LRRFIP1: variants seen among roughly 807,000 people sequenced by gnomAD.
LRRFIP1 encodes the protein LRR binding FLII interacting protein 1, also known as leucine-rich repeat flightless-interacting protein 1.
A neutral mutation model predicts 104.4 loss-of-function variants in LRRFIP1; 62 were observed. The observed-to-expected ratio is 0.59, with a 90% CI of 0.48 to 0.73. The LOEUF (loss-of-function observed/expected upper bound fraction) is 0.73, where lower values mean the gene tolerates loss of function less well. Ranked by LOEUF, LRRFIP1 falls within the 30% of genes least tolerant of loss-of-function variation. The pLI is 0.00. For synonymous variants in LRRFIP1, 300 were observed against 299.0 expected (o/e 1.00, Z -0.03); for missense variants, 796 against 824.5 (o/e 0.97, Z 0.42).
At chr2:237,629,578 C>T (rs1248673406) in intron 1 of LRRFIP1, among the ~76,000 whole-genome samples, 3 of 150,710 alleles carry the variant, frequency 2.0e-5, no homozygotes, top group Non-Finnish European at 4.4e-5. Context: ...CTCAAGAGAT[C>T]CTCCTGCCTC....
At chr2:237,632,143 G>C (rs2149250064) in intron 1 of LRRFIP1, among the ~76,000 whole-genome samples, 2 of 152,212 alleles carry the variant, frequency 1.3e-5, no homozygotes, top group Admixed American at 1.3e-4. Context: ...CCCCCAAGGA[G>C]TCCAGTTGTG....
At chr2:237,749,435 CCT>C (rs2058300693) in intron 13 of LRRFIP1, 111 bp downstream of exon 13, 1 of 1,285,562 alleles carries the variant, frequency 7.8e-7, no homozygotes, top group South Asian at 1.3e-5. Context: ...TCTTCTTGGT[CCT>C]CTCTCCCTCA....
chr2:237,637,961 G>T (rs1461158701), intron 1 of LRRFIP1, among the ~76,000 whole-genome samples: 1 of 152,140 alleles, frequency 6.6e-6, no homozygotes, highest in Non-Finnish European at 1.5e-5. Flanking sequence ...CAGCTAGCAT[G>T]GCTCTACCCT....
chr2:237,760,217 C>G lies in LRRFIP1; in HGVS notation c.1459+12C>G, dbSNP rs1178215207. 2 of 1,613,452 alleles carry G rather than the reference C, an allele frequency of 1.2e-6. No homozygotes were observed. Among genetic ancestry groups the G allele is most frequent in the Admixed American group, 3.3e-5 (2 of 59,974 alleles). On this transcript the variant is annotated intron_variant, in intron 19 of 23. Transcript: ENST00000308482. The stretch of plus-strand genomic sequence containing the variant: ...GGATGGGACCCTAGGTAAGTATTTG[C>G]TTTCCTTCGGCTCCTCACACCTTTC...
chr2:237,738,696 C>G (rs887995559), intron 10 of LRRFIP1, among the ~76,000 whole-genome samples: 50 of 152,186 alleles, frequency 3.3e-4, no homozygotes, highest in African/African-American at 1.2e-3. Flanking sequence ...AATGGATAGA[C>G]AGATGTGTAC....
chr2:237,707,682 G>T (rs1489784531), intron 1 of LRRFIP1, among the ~76,000 whole-genome samples: 1 of 152,184 alleles, frequency 6.6e-6, no homozygotes, highest in African/African-American at 2.4e-5. Flanking sequence ...TACGCATGCA[G>T]TTTTTAAAAT....
chr2:237,742,320 CTTA>C (rs1171840698), intron 11 of LRRFIP1, among the ~76,000 whole-genome samples: 2 of 152,288 alleles, frequency 1.3e-5, no homozygotes, highest in East Asian at 3.9e-4. Context: ...GGTTGGCACG[CTTA>C]GGGAACAAAG....
chr2:237,734,273 CTTTTTTTTTTTT>C (rs71870330), intron 9 of LRRFIP1, among the ~76,000 whole-genome samples: 15 of 90,208 alleles, frequency 1.7e-4, no homozygotes, highest in Non-Finnish European at 2.9e-4. Context: ...TGTTAATAAC[CTTTTTTTTTTTT>C]TTTTTTTTTT....
intron 11 of LRRFIP1, among the ~76,000 whole-genome samples, chr2:237,743,753 C>T (rs559183256): frequency 1.3e-4 from 20 of 152,150 alleles, no homozygotes; most frequent in East Asian, 3.9e-4. Context: ...AGCCCAGCAG[C>T]GGGGGTGTGA....
intron 1 of LRRFIP1, among the ~76,000 whole-genome samples, chr2:237,628,777 G>A (rs866237190): frequency 8.5e-5 from 13 of 152,194 alleles, no homozygotes; most frequent in Non-Finnish European, 1.5e-4. Context: ...TATTCTGGGG[G>A]ATCTACTCTG....
At chr2:237,696,508 T>G (rs1358505993) in intron 1 of LRRFIP1, among the ~76,000 whole-genome samples, 2 of 152,226 alleles carry the variant, frequency 1.3e-5, no homozygotes, top group African/African-American at 2.4e-5. Context: ...TAGCTAATAT[T>G]TACCAAACCC....
intron 23 of LRRFIP1, among the ~76,000 whole-genome samples, chr2:237,774,908 A>T (rs2060948716): frequency 6.6e-6 from 1 of 152,248 alleles, no homozygotes; most frequent in Non-Finnish European, 1.5e-5. Flanking sequence ...TGAGAAGCCG[A>T]GCTGCTGTTA....
At chr2:237,770,177 G>T in intron 20 of LRRFIP1, 185 bp downstream of exon 20, 1 of 590,486 alleles carries the variant, frequency 1.7e-6, no homozygotes, top group Non-Finnish European at 3.1e-6. Context: ...TTCATCCAAA[G>T]AGAACATCCT....
chr2:237,655,235 C>T (rs1388176148), intron 1 of LRRFIP1, among the ~76,000 whole-genome samples: 1 of 146,234 alleles, frequency 6.8e-6, no homozygotes, highest in Non-Finnish European at 1.5e-5. Flanking sequence ...CTCAGCCTCC[C>T]GAGTAGCTGG....
At chr2:237,721,724 A>G (rs890765994) in intron 6 of LRRFIP1, 2 of 152,212 alleles carry the variant, frequency 1.3e-5, no homozygotes, top group East Asian at 3.8e-4. Flanking sequence ...GCCCTTCCCA[A>G]TGATAAAATG....
At chr2:237,733,678 A>C in intron 8 of LRRFIP1, 96 bp from the exon 9 acceptor site, 1 of 1,211,832 alleles carries the variant, frequency 8.3e-7, no homozygotes, top group Non-Finnish European at 1.2e-6. Context: ...GCAGTTGGCT[A>C]TGGTGAATGC....
chr2:237,774,289 A>G (rs1047625849), intron 22 of LRRFIP1, 69 bp from the exon 23 acceptor site: 12 of 891,556 alleles, frequency 1.3e-5, no homozygotes, highest in Middle Eastern at 3.0e-4. Flanking sequence ...TTTGATCTCA[A>G]AGTAAAGAAA....
intron 20 of LRRFIP1, among the ~76,000 whole-genome samples, chr2:237,770,947 G>C (rs1005004794): frequency 6.6e-6 from 1 of 151,702 alleles, no homozygotes. Flanking sequence ...AAGATTCTCC[G>C]AAAATTGGAG....
chr2:237,656,077 A>G (rs891371586), intron 1 of LRRFIP1, among the ~76,000 whole-genome samples: 9 of 152,224 alleles, frequency 5.9e-5, no homozygotes, highest in Non-Finnish European at 1.2e-4. Context: ...GGGGAATAAA[A>G]GGTAAGGGGT....
Sources: allele counts gnomAD v4.1 joint callset (sites outside exome capture counted in the v4.1 genomes callset), GRCh38; gene constraint gnomAD v4.1.1; transcripts MANE v1.5; gene names NCBI Gene and HGNC (gene_info 2026-07-23, HGNC 2026-07-21).